Variants in ZNF521 observed in about 807,000 individuals in gnomAD.
ZNF521 encodes zinc finger protein 521.
Under a neutral mutation model 105.5 loss-of-function variants are expected in ZNF521, and 14 were observed. The ratio of observed to expected loss-of-function variants is 0.13; its 90% CI spans 0.09 to 0.21. ZNF521 has a LOEUF of 0.21. Among genes scored for constraint, ZNF521 ranks in the 10% least tolerant of loss-of-function variants. ZNF521 has a pLI of 1.00. For missense variants in ZNF521, 1,233 were observed against 1,629.7 expected (o/e 0.76, Z 4.19); for synonymous variants, 635 against 606.0 (o/e 1.05, Z -0.70).
At position 25,212,478 on chromosome 18, in the gene ZNF521, C is replaced by T. The variant is rs529991925; in HGVS notation, c.3573+11867G>A. On this transcript the variant is annotated intron_variant, in intron 4 of 7. Transcript: ENST00000361524. ...TGAGCCAAGATCATGCCACTTCACT[C>T]CAGCCTGGGCAAAAGAGTGAGACTT... Among the ~76,000 whole-genome samples the T allele has an allele frequency of 3.8e-3, 468 of 123,648 alleles. 2 individuals are homozygous for T. Among genetic ancestry groups the T allele is most frequent in the Non-Finnish European group, 6.1e-3 (385 of 63,198 alleles). The allele number at this position is 123,648 out of a possible 152,430, so 81.1% of individuals were successfully genotyped here.
chr18:25,142,876 A>G (rs568537234), intron 5 of ZNF521, among the ~76,000 whole-genome samples: 90 of 152,326 alleles, frequency 5.9e-4, no homozygotes, highest in African/African-American at 2.0e-3. Flanking sequence ...TTCCTATTTC[A>G]CATGTGTCCT....
At chr18:25,066,193 T>G (rs1275788279) in intron 7 of ZNF521, among the ~76,000 whole-genome samples, 1 of 152,102 alleles carries the variant, frequency 6.6e-6, no homozygotes, top group African/African-American at 2.4e-5. Context: ...TGGCAGGGTG[T>G]CCCCAGGCCT....
intron 3 of ZNF521, among the ~76,000 whole-genome samples, chr18:25,253,754 G>T (rs551034991): frequency 2.0e-5 from 3 of 152,228 alleles, no homozygotes; most frequent in East Asian, 3.9e-4. Flanking sequence ...CATGTAATTT[G>T]CTCAGGTCCT....
chr18:25,166,534 T>C (rs953130536), intron 5 of ZNF521, among the ~76,000 whole-genome samples: 1 of 152,190 alleles, frequency 6.6e-6, no homozygotes, highest in African/African-American at 2.4e-5. Flanking sequence ...TAAAGACACA[T>C]ATGCACACAT....
chr18:25,114,640 A>C (rs2034267483), intron 5 of ZNF521, among the ~76,000 whole-genome samples: 1 of 152,220 alleles, frequency 6.6e-6, no homozygotes, highest in Non-Finnish European at 1.5e-5. Flanking sequence ...TTCCAAAAGG[A>C]TGAAAAAACT....
intron 3 of ZNF521, among the ~76,000 whole-genome samples, chr18:25,233,987 C>A (rs1331725760): frequency 6.6e-6 from 1 of 152,182 alleles, no homozygotes; most frequent in East Asian, 1.9e-4. Context: ...CTTAACTCCA[C>A]CTCTCAAATC....
intron 5 of ZNF521, among the ~76,000 whole-genome samples, chr18:25,176,702 T>A (rs2035540661): frequency 1.3e-5 from 2 of 152,196 alleles, no homozygotes; most frequent in Admixed American, 1.3e-4. Context: ...CAGCGAAGCC[T>A]ACAGGGGCTC....
At chr18:25,244,696 A>G (rs1907586636) in intron 3 of ZNF521, among the ~76,000 whole-genome samples, 1 of 152,188 alleles carries the variant, frequency 6.6e-6, no homozygotes, top group East Asian at 1.9e-4. Flanking sequence ...GAACTGCAAA[A>G]GGCAATCCCC....
chr18:25,228,594 G>C (rs560555885), intron 3 of ZNF521, among the ~76,000 whole-genome samples: 1 of 152,330 alleles, frequency 6.6e-6, no homozygotes, highest in South Asian at 2.1e-4. Context: ...CCTGCACTTT[G>C]AGGTGAGCAG....
Position 25,062,550 on chromosome 18 carries a change from G to A in ZNF521, c.*162C>T. On this transcript the variant is annotated 3_prime_UTR_variant, in exon 8 of 8. Coordinates refer to ENST00000361524, the MANE Select transcript of ZNF521 (RefSeq NM_015461.3). ...CAAGGGGTCTATCCGGTGCGCAAAA[G>A]TTCAAACACATGAACATCCAACAGT... is the stretch of plus-strand genomic sequence containing the variant. 1 of 979,356 alleles carries A rather than the reference G, an allele frequency of 1.0e-6. No homozygotes were observed. Among genetic ancestry groups the A allele is most frequent in the East Asian group, 2.5e-5 (1 of 40,410 alleles). 60.7% of individuals were successfully genotyped at this position (979,356 alleles called of 1,614,324 possible).
intron 3 of ZNF521, chr18:25,302,125 T>C (rs546741974): frequency 2.0e-5 from 3 of 152,168 alleles, no homozygotes; most frequent in East Asian, 1.9e-4. Context: ...CAGAATCCAA[T>C]TGAAAAGCTC....
chr18:25,251,614 T>G (rs1377825861), intron 3 of ZNF521, among the ~76,000 whole-genome samples: 1 of 152,096 alleles, frequency 6.6e-6, no homozygotes, highest in Non-Finnish European at 1.5e-5. Context: ...TCATAGACAA[T>G]CAATACAAAT....
At chr18:25,257,827 T>C (rs1191336519) in intron 3 of ZNF521, among the ~76,000 whole-genome samples, 1 of 152,172 alleles carries the variant, frequency 6.6e-6, no homozygotes, top group Non-Finnish European at 1.5e-5. Flanking sequence ...AAGAGGTCCA[T>C]ATCCCATTAT....
intron 5 of ZNF521, among the ~76,000 whole-genome samples, chr18:25,168,924 G>C (rs1181214699): frequency 6.6e-6 from 1 of 150,874 alleles, no homozygotes; most frequent in Non-Finnish European, 1.5e-5. Flanking sequence ...TGTATCACTG[G>C]GTCCTACAAT....
chr18:25,324,364 C>T (rs917572712), intron 2 of ZNF521, among the ~76,000 whole-genome samples: 53 of 150,216 alleles, frequency 3.5e-4, no homozygotes, highest in African/African-American at 1.3e-3. Flanking sequence ...TTTGGGTTTG[C>T]TTCTCTCAAA....
intron 3 of ZNF521, among the ~76,000 whole-genome samples, chr18:25,256,600 C>T (rs115639122): frequency 2.6e-5 from 4 of 152,118 alleles, no homozygotes; most frequent in South Asian, 4.2e-4. Flanking sequence ...TCTGACTCTA[C>T]GCTCAAGACT....
intron 5 of ZNF521, among the ~76,000 whole-genome samples, chr18:25,121,929 T>C (rs1448965124): frequency 6.6e-6 from 1 of 151,566 alleles, no homozygotes; most frequent in Non-Finnish European, 1.5e-5. Flanking sequence ...CAATGAAAAA[T>C]CACCAAACAC....
At position 25,324,652 on chromosome 18, in the gene ZNF521, T is replaced by C. The variant is rs865790366; in HGVS notation, c.41-2465A>G. 2.0e-5 allele frequency among the ~76,000 whole-genome samples: 3 copies of C among 152,318 alleles called. No homozygotes were observed. In the Middle Eastern group the frequency reaches 0.01, roughly 518 times the overall value. The stretch of plus-strand genomic sequence containing the variant: ...GGAAATGTCGCTGTTAGGTCTGATT[T>C]TTAATATGATTATTTAAATGCTACA... On this transcript the variant is annotated intron_variant, in intron 2 of 7. Transcript: ENST00000361524.
At chr18:25,257,130 T>G (rs1238282847) in intron 3 of ZNF521, among the ~76,000 whole-genome samples, 1 of 152,154 alleles carries the variant, frequency 6.6e-6, no homozygotes, top group Non-Finnish European at 1.5e-5. Flanking sequence ...ACTCATAGTT[T>G]TAGGAACACT....
Sources: gnomAD v4.1 joint callset for allele counts (sites outside exome capture counted in the v4.1 genomes callset) on GRCh38, gnomAD v4.1.1 for gene constraint, MANE v1.5 for transcripts, NCBI Gene and HGNC (gene_info 2026-07-23, HGNC 2026-07-21) for gene names.